Variants in TNFAIP8 observed in about 807,000 individuals in gnomAD.
TNFAIP8 encodes the protein TNF alpha induced protein 8.
TNFAIP8 carries 7 observed loss-of-function variants against 13.3 expected under a neutral mutation model. That is an observed-to-expected ratio of 0.52 (90% confidence interval 0.30 to 0.99). TNFAIP8 has a LOEUF of 0.99. TNFAIP8 is among the 50% of genes least tolerant of loss of function. The pLI, the probability that TNFAIP8 is intolerant of heterozygous loss-of-function variation, is 0.07. For missense variants in TNFAIP8, 258 were observed against 236.9 expected, an observed-to-expected ratio of 1.09 and a Z score of -0.58; for synonymous variants, 94 against 87.6, an observed-to-expected ratio of 1.07 and a Z score of -0.41.
chr5:119,320,992 G>A (rs890615901), intron 1 of TNFAIP8, among the ~76,000 whole-genome samples: 5 of 152,202 alleles, frequency 3.3e-5, no homozygotes, highest in East Asian at 1.9e-4. Context: ...CGAGGTGGGC[G>A]GATCACAAGG....
At chr5:119,355,888 C>T, upstream of TNFAIP8, 1 of 1,203,884 alleles carries the variant, frequency 8.3e-7, no homozygotes, top group Non-Finnish European at 1.0e-6. Context: ...GCCCAGCTGA[C>T]ACGCGATTCG....
intron 1 of TNFAIP8, among the ~76,000 whole-genome samples, chr5:119,271,511 T>C (rs1001747435): frequency 6.6e-6 from 1 of 152,186 alleles, no homozygotes; most frequent in Non-Finnish European, 1.5e-5. Context: ...CATTTATGCG[T>C]GATAGCAGTT....
At chr5:119,289,914 T>C (rs1748929979) in intron 1 of TNFAIP8, among the ~76,000 whole-genome samples, 1 of 152,184 alleles carries the variant, frequency 6.6e-6, no homozygotes, top group African/African-American at 2.4e-5. Context: ...TAAAAATAAA[T>C]TACAAAATCA....
At chr5:119,318,665 T>TC (rs1315266446) in intron 1 of TNFAIP8, among the ~76,000 whole-genome samples, 5 of 136,768 alleles carry the variant, frequency 3.7e-5, no homozygotes, top group African/African-American at 5.4e-5. Context: ...TTTTTCTTCC[T>TC]CCCCCCGCAT....
intron 1 of TNFAIP8, among the ~76,000 whole-genome samples, chr5:119,365,597 C>T (rs919719188): frequency 6.6e-6 from 1 of 152,216 alleles, no homozygotes; most frequent in African/African-American, 2.4e-5. Context: ...TTCATATTCT[C>T]TAAAAAGCAG....
chr5:119,321,870 A>G (rs1750068322), intron 1 of TNFAIP8, among the ~76,000 whole-genome samples: 1 of 152,088 alleles, frequency 6.6e-6, no homozygotes, highest in Non-Finnish European at 1.5e-5. Flanking sequence ...ACTCCTTACC[A>G]GGAGCTACAG....
At chr5:119,315,607 A>C (rs1749869260) in intron 1 of TNFAIP8, among the ~76,000 whole-genome samples, 1 of 152,182 alleles carries the variant, frequency 6.6e-6, no homozygotes. Context: ...TGTCTGCAGA[A>C]GTTGGAGTCA....
chr5:119,347,638 T>C (rs1750953734), intron 1 of TNFAIP8, among the ~76,000 whole-genome samples: 1 of 152,190 alleles, frequency 6.6e-6, no homozygotes, highest in Non-Finnish European at 1.5e-5. Flanking sequence ...TAACTTAAAT[T>C]TTGTAACCTG....
intron 1 of TNFAIP8, among the ~76,000 whole-genome samples, chr5:119,338,996 A>G (rs1456371066): frequency 6.6e-6 from 1 of 151,994 alleles, no homozygotes; most frequent in Admixed American, 6.6e-5. Flanking sequence ...GCATTGAGCT[A>G]TGATTGTGCT....
At chr5:119,345,447 C>A (rs1001812033) in intron 1 of TNFAIP8, among the ~76,000 whole-genome samples, 1 of 152,150 alleles carries the variant, frequency 6.6e-6, no homozygotes, top group Non-Finnish European at 1.5e-5. Flanking sequence ...AAGGTGGTAG[C>A]AATCCAGGTA....
rs1305144268 is a variant in TNFAIP8 at position 119,306,007 on chromosome 5, C to T, written c.1+37100C>T. The stretch of plus-strand genomic sequence containing the variant: ...GCCTTGTAATGGACTGCCTGCGCCG[C>T]CCTGCCCTCAACCCCGCTGCCCACC... On this transcript the variant is annotated intron_variant, in intron 1 of 1. Transcript: ENST00000274456. 2.6e-5 allele frequency among the ~76,000 whole-genome samples: 4 copies of T among 152,194 alleles called. No homozygotes were observed. The East Asian group carries it at 7.7e-4, about 29-fold the overall frequency.
chr5:119,358,306 C>T (rs1029819753), intron 1 of TNFAIP8, among the ~76,000 whole-genome samples: 1 of 152,096 alleles, frequency 6.6e-6, no homozygotes, highest in Non-Finnish European at 1.5e-5. Context: ...TCCTTGGAGG[C>T]CAGCATATTT....
At chr5:119,310,394 G>A (rs1749692941) in intron 1 of TNFAIP8, among the ~76,000 whole-genome samples, 1 of 152,088 alleles carries the variant, frequency 6.6e-6, no homozygotes, top group Non-Finnish European at 1.5e-5. Context: ...CGCTGGAGAA[G>A]GCCAAAGGCT....
At chr5:119,347,613 T>A (rs1270785063) in intron 1 of TNFAIP8, among the ~76,000 whole-genome samples, 1 of 152,216 alleles carries the variant, frequency 6.6e-6, no homozygotes, top group Non-Finnish European at 1.5e-5. Flanking sequence ...AGCTCTTCTT[T>A]AAGGAGAGGC....
intron 1 of TNFAIP8, among the ~76,000 whole-genome samples, chr5:119,325,634 G>C (rs1222690132): frequency 6.6e-6 from 1 of 152,156 alleles, no homozygotes; most frequent in Non-Finnish European, 1.5e-5. Context: ...TATTTTAGTA[G>C]AGATGGGGTT....
intron 1 of TNFAIP8, among the ~76,000 whole-genome samples, chr5:119,314,594 G>T (rs1195421203): frequency 2.6e-5 from 4 of 152,302 alleles, no homozygotes; most frequent in African/African-American, 9.6e-5. Flanking sequence ...CTCACAGGTG[G>T]TAGAGTTGAG....
rs1331165811 is a variant in TNFAIP8, at chr5:119,395,338, T to C, written c.*1957T>C. On this transcript the variant is annotated 3_prime_UTR_variant, in exon 2 of 2. Coordinates refer to ENST00000504771, the MANE Select transcript of TNFAIP8 (RefSeq NM_014350.4). ...TGAGAATGTGATGGGGGGTGTGAGCTACTGACTGGATGTGTTCTGTTCTCC... is the reference window on the plus strand; with the variant it reads ...TGAGAATGTGATGGGGGGTGTGAGCCACTGACTGGATGTGTTCTGTTCTCC... 6.6e-6 allele frequency: 1 copy of C among 152,244 alleles called. No individual in the cohort carries two copies. Among genetic ancestry groups the C allele is most frequent in the Admixed American group, 6.5e-5 (1 of 15,274 alleles). The allele number at this position is 152,244 out of a possible 1,614,324, so 9.4% of individuals were successfully genotyped here.
At chr5:119,290,361 G>A (rs1748943003) in intron 1 of TNFAIP8, among the ~76,000 whole-genome samples, 1 of 152,198 alleles carries the variant, frequency 6.6e-6, no homozygotes, top group African/African-American at 2.4e-5. Flanking sequence ...CTCTGCGGCT[G>A]GAGAATCCAG....
At chr5:119,350,996 C>CTGTG (rs1562012624) in intron 1 of TNFAIP8, among the ~76,000 whole-genome samples, 2 of 101,608 alleles carry the variant, frequency 2.0e-5, no homozygotes, top group African/African-American at 5.0e-5. Flanking sequence ...AGGGGTCTCA[C>CTGTG]TCTGTGTGTG....
Sources: allele counts gnomAD v4.1 joint callset (sites outside exome capture counted in the v4.1 genomes callset), GRCh38; gene constraint gnomAD v4.1.1; transcripts MANE v1.5; gene names NCBI Gene and HGNC (gene_info 2026-07-23, HGNC 2026-07-21).